NRG3: variants seen among roughly 807,000 people sequenced by gnomAD.
NRG3 encodes neuregulin 3.
Under a neutral mutation model 66.9 loss-of-function variants are expected in NRG3, and 31 were observed. That is an observed-to-expected ratio of 0.46 (90% CI 0.35 to 0.63). The LOEUF (loss-of-function observed/expected upper bound fraction) is 0.63. NRG3 is among the 20% of genes least tolerant of loss of function. The pLI is 0.00. For missense variants in NRG3, 910 were observed against 878.9 expected (o/e 1.04, Z -0.45); for synonymous variants, 393 against 359.4 (o/e 1.09, Z -1.06).
intron 1 of NRG3, among the ~76,000 whole-genome samples, chr10:81,905,625 G>A (rs1231652522): frequency 6.6e-6 from 1 of 151,996 alleles, no homozygotes; most frequent in East Asian, 1.9e-4. Context: ...TTGTACTTTT[G>A]TCATAATTTT....
intron 2 of NRG3, among the ~76,000 whole-genome samples, chr10:82,383,042 G>T (rs1332971764): frequency 6.6e-6 from 1 of 151,796 alleles, no homozygotes; most frequent in African/African-American, 2.4e-5. Flanking sequence ...TTATTTCACG[G>T]AATACCTTCA....
chr10:81,876,926 A>G (rs1231941665), intron 1 of NRG3, among the ~76,000 whole-genome samples: 4 of 151,810 alleles, frequency 2.6e-5, no homozygotes, highest in Non-Finnish European at 5.9e-5. Flanking sequence ...CTGACGAAGG[A>G]GGAGTTTTTT....
intron 2 of NRG3, among the ~76,000 whole-genome samples, chr10:82,465,620 CT>C (rs1840596004): frequency 6.6e-6 from 1 of 152,034 alleles, no homozygotes; most frequent in African/African-American, 2.4e-5. Flanking sequence ...TTAAATGGTT[CT>C]GGGAAATGAA....
At chr10:81,903,084 G>A (rs1327796723) in intron 1 of NRG3, among the ~76,000 whole-genome samples, 1 of 152,082 alleles carries the variant, frequency 6.6e-6, no homozygotes, top group East Asian at 1.9e-4. Flanking sequence ...GTTAGGTTTT[G>A]TAACCAGGGT....
chr10:81,950,533 C>A (rs879509329), intron 1 of NRG3, among the ~76,000 whole-genome samples: 5 of 152,136 alleles, frequency 3.3e-5, no homozygotes, highest in African/African-American at 1.2e-4. Context: ...AGAAACTCTC[C>A]CTGAATCCAA....
At chr10:82,336,092 TG>T (rs892500323) in intron 1 of NRG3, among the ~76,000 whole-genome samples, 2 of 152,166 alleles carry the variant, frequency 1.3e-5, no homozygotes, top group African/African-American at 4.8e-5. Flanking sequence ...AGACCAGATT[TG>T]GGCCTGGGAC....
intron 1 of NRG3, among the ~76,000 whole-genome samples, chr10:81,984,770 C>A (rs1161429521): frequency 1.3e-5 from 2 of 152,104 alleles, no homozygotes; most frequent in African/African-American, 2.4e-5. Flanking sequence ...GAGATAGATG[C>A]ATTCCAGGGC....
intron 4 of NRG3, among the ~76,000 whole-genome samples, chr10:82,950,405 G>T (rs1849409603): frequency 6.6e-6 from 1 of 152,096 alleles, no homozygotes; most frequent in Non-Finnish European, 1.5e-5. Flanking sequence ...AAACAGGAAG[G>T]CAGGCTGATG....
intron 4 of NRG3, among the ~76,000 whole-genome samples, chr10:82,891,247 A>G (rs1443037445): frequency 6.6e-6 from 1 of 151,832 alleles, no homozygotes; most frequent in Non-Finnish European, 1.5e-5. Context: ...TACATATTAA[A>G]TATTCTAATC....
At chr10:82,481,939 ATCACGCCACTGCACT>A (rs1455694518) in intron 2 of NRG3, among the ~76,000 whole-genome samples, 2 of 152,162 alleles carry the variant, frequency 1.3e-5, no homozygotes, top group Non-Finnish European at 2.9e-5. Flanking sequence ...GTGAGCTGAG[ATCACGCCACTGCACT>A]TCAGGCTGGG....
intron 1 of NRG3, among the ~76,000 whole-genome samples, chr10:82,173,100 A>T (rs1354642077): frequency 6.6e-6 from 1 of 152,104 alleles, no homozygotes; most frequent in African/African-American, 2.4e-5. Flanking sequence ...AGCAAAGAGG[A>T]TAATTTCAGA....
chr10:82,216,643 T>C (rs541690500), intron 1 of NRG3, among the ~76,000 whole-genome samples: 1 of 151,552 alleles, frequency 6.6e-6, no homozygotes, highest in South Asian at 2.1e-4. Flanking sequence ...TGCTAAGGGA[T>C]ATATTTTCTA....
At chr10:82,888,001 A>G (rs1261638023) in intron 4 of NRG3, among the ~76,000 whole-genome samples, 1 of 152,228 alleles carries the variant, frequency 6.6e-6, no homozygotes. Context: ...TTAAATAACC[A>G]TTTAATTTGT....
intron 3 of NRG3, among the ~76,000 whole-genome samples, chr10:82,851,884 ATAAT>A (rs1156473158): frequency 6.6e-6 from 1 of 152,328 alleles, no homozygotes; most frequent in African/African-American, 2.4e-5. Flanking sequence ...AATGACTATA[ATAAT>A]TAGAGTGGAG....
chr10:82,947,147 T>C (rs897028308), intron 4 of NRG3, among the ~76,000 whole-genome samples: 31 of 152,172 alleles, frequency 2.0e-4, no homozygotes, highest in Admixed American at 1.6e-3. Context: ...TCTACATACA[T>C]GTTTTATGTT....
chr10:82,883,327 G>A (rs935506289), intron 4 of NRG3, among the ~76,000 whole-genome samples: 6 of 151,972 alleles, frequency 3.9e-5, no homozygotes, highest in African/African-American at 1.2e-4. Context: ...AAGAAGCCTC[G>A]GAGATCAGCA....
At chr10:82,979,506 C>T (rs908205444) in intron 8 of NRG3, among the ~76,000 whole-genome samples, 13 of 152,140 alleles carry the variant, frequency 8.5e-5, no homozygotes, top group Non-Finnish European at 1.2e-4. Context: ...GTGAACAATA[C>T]GCTAAACAAT....
intron 2 of NRG3, among the ~76,000 whole-genome samples, chr10:82,528,021 C>A (rs955368610): frequency 6.6e-6 from 1 of 152,116 alleles, no homozygotes; most frequent in Non-Finnish European, 1.5e-5. Flanking sequence ...CCCTAGATGT[C>A]TGTGGCACAC....
chr10:82,293,924 C>CT (rs1412358817), intron 1 of NRG3, among the ~76,000 whole-genome samples: 1 of 109,486 alleles, frequency 9.1e-6, no homozygotes, highest in Non-Finnish European at 1.7e-5. Flanking sequence ...CATATTTTTG[C>CT]AATTTTTTTT....
Sources: allele counts gnomAD v4.1 joint callset (sites outside exome capture counted in the v4.1 genomes callset), GRCh38; gene constraint gnomAD v4.1.1; transcripts MANE v1.5; gene names NCBI Gene and HGNC (gene_info 2026-07-23, HGNC 2026-07-21).